Variants in PGAP1 observed in about 807,000 individuals in gnomAD.
PGAP1 encodes the protein post-GPI attachment to proteins inositol deacylase 1, also known as GPI inositol-deacylase.
Under a neutral mutation model 127.0 loss-of-function variants are expected in PGAP1, and 76 were observed. The observed-to-expected ratio is 0.60, with a 90% CI of 0.50 to 0.72. PGAP1 has a LOEUF of 0.72. Ranked by LOEUF, PGAP1 falls within the 30% of genes least tolerant of loss-of-function variation. PGAP1 has a pLI of 0.00. For missense variants in PGAP1, 982 were observed against 1,071.3 expected (o/e 0.92, Z 1.16); for synonymous variants, 362 against 366.5 (o/e 0.99, Z 0.14).
chr2:196,847,853 A>T, intron 21 of PGAP1, 94 bp downstream of exon 21: 2 of 962,658 alleles, frequency 2.1e-6, no homozygotes. Flanking sequence ...TCAACTGCCA[A>T]ATCTGTATGA....
Position 196,891,366 on chromosome 2 carries a change from A to C in PGAP1, c.1090-455T>G, listed in dbSNP as rs187560197. Among the ~76,000 whole-genome samples, 164 of 152,288 alleles carry C rather than the reference A, an allele frequency of 1.1e-3. No individual in the cohort carries two copies. The East Asian group carries it at 0.019, about 18-fold the overall frequency. On this transcript the variant is annotated intron_variant, in intron 9 of 26. Coordinates refer to ENST00000354764, the MANE Select transcript of PGAP1 (RefSeq NM_024989.4). ...CAGGAAATGTACAAAATAAGCTAAA[A>C]TATCTTGTCCTACTCAAGAGTGAGG...
rs1553601067 is a variant in PGAP1, at chr2:196,873,691, A to G, written c.1494T>C (p.Phe498=). The G allele has an allele frequency of 6.8e-6, 11 of 1,610,828 alleles. No homozygotes were observed. In the Middle Eastern group the frequency reaches 6.6e-4, roughly 97 times the overall value. The change falls in exon 15 of 27, where the codon TTT becomes TTC. Residue 498 remains phenylalanine (F), a synonymous_variant. Coordinates refer to ENST00000354764, the MANE Select transcript of PGAP1 (RefSeq NM_024989.4). ...GLYYNLELLN[F]GQIYQAFKIN... ...TGTAGTCAGGATTAATTACCTGTCCAAAGTTCAGAAGCTCTAGATTGTAGT... is the reference window on the plus strand; with the variant it reads ...TGTAGTCAGGATTAATTACCTGTCCGAAGTTCAGAAGCTCTAGATTGTAGT...
chr2:196,899,779 A>T (rs553944017), intron 5 of PGAP1, among the ~76,000 whole-genome samples: 1 of 152,312 alleles, frequency 6.6e-6, no homozygotes, highest in African/African-American at 2.4e-5. Flanking sequence ...CACGCCTGTA[A>T]TCCCAACACT....
In PGAP1 at chr2:196,865,050, C is replaced by G; in HGVS notation, c.1798G>C (p.Ala600Pro). The change falls in exon 20 of 27, where the codon GCT (alanine) becomes CCT (proline). Residue 600 changes from alanine to proline, a missense_variant. Coordinates refer to ENST00000354764, the MANE Select transcript of PGAP1 (RefSeq NM_024989.4). ...VVRFHGGALPAYVVSNILLAY... is the reference protein window; with the variant it reads ...VVRFHGGALPPYVVSNILLAY... ...AGAAGGATATTAGATACGACATAAG[C>G]AGGAAGAGCTCCACCATGAAATCTA... 1 of 1,568,818 alleles carries G rather than the reference C, an allele frequency of 6.4e-7. No individual in the cohort carries two copies. Among genetic ancestry groups the G allele is most frequent in the Non-Finnish European group, 8.6e-7 (1 of 1,164,576 alleles).
chr2:196,859,064 C>G (rs571876900), intron 20 of PGAP1, among the ~76,000 whole-genome samples: 264 of 152,234 alleles, frequency 1.7e-3, no homozygotes, highest in Non-Finnish European at 2.9e-3. Context: ...TGGTGACTCA[C>G]ACCTGTAATC....
chr2:196,852,660 A>G (rs921304752), intron 20 of PGAP1, among the ~76,000 whole-genome samples: 2 of 152,100 alleles, frequency 1.3e-5, no homozygotes, highest in African/African-American at 4.8e-5. Context: ...TTAGAAAAAA[A>G]TAGAAACAAG....
chr2:196,842,717 G>A lies in PGAP1; in HGVS notation c.2630+4C>T, dbSNP rs527290717. 3 of 1,482,396 alleles carry A rather than the reference G, an allele frequency of 2.0e-6. No individual in the cohort carries two copies. The highest frequency in any genetic ancestry group is 3.8e-5 in the Admixed American group (2 of 53,074). The allele number at this position is 1,482,396 out of a possible 1,614,324, so 91.8% of individuals were successfully genotyped here. On this transcript the variant is annotated splice_donor_region_variant and intron_variant, in intron 26 of 26. Coordinates refer to ENST00000354764, the MANE Select transcript of PGAP1 (RefSeq NM_024989.4). ...TAAGAAAAAGAAAGATTAAACTACTGTACCTTGATTTTATTGAAACAGTGT... is the reference window on the plus strand; with the variant it reads ...TAAGAAAAAGAAAGATTAAACTACTATACCTTGATTTTATTGAAACAGTGT...
Position 196,848,185 on chromosome 2 carries a change from A to C in PGAP1, c.1862-148T>G, listed in dbSNP as rs1700613417. 20 of 423,814 alleles carry C rather than the reference A, an allele frequency of 4.7e-5. No individual in the cohort carries two copies. In the East Asian group the frequency reaches 7.4e-4, roughly 16 times the overall value. The allele number at this position is 423,814 out of a possible 1,614,324, so 26.3% of individuals were successfully genotyped here. On this transcript the variant is annotated intron_variant, in intron 20 of 26. Transcript: ENST00000354764. ...CACAGAGACTCTTCTTGAAAGATTAAAAATAGCTGTAATTCAATGGTTCTT... is the reference window on the plus strand; with the variant it reads ...CACAGAGACTCTTCTTGAAAGATTACAAATAGCTGTAATTCAATGGTTCTT...
intron 14 of PGAP1, among the ~76,000 whole-genome samples, chr2:196,875,303 A>G (rs978676078): frequency 6.6e-6 from 1 of 152,252 alleles, no homozygotes; most frequent in Non-Finnish European, 1.5e-5. Context: ...TATTGTGTTT[A>G]TGTAGAAGGT....
chr2:196,896,801 C>T (rs1702290848), intron 7 of PGAP1, among the ~76,000 whole-genome samples: 1 of 139,744 alleles, frequency 7.2e-6, no homozygotes, highest in African/African-American at 2.8e-5. Context: ...TGCACTCCAG[C>T]CTGTGCAACA....
At chr2:196,889,203 A>G (rs1301210068) in intron 10 of PGAP1, among the ~76,000 whole-genome samples, 4 of 152,178 alleles carry the variant, frequency 2.6e-5, no homozygotes, top group East Asian at 1.9e-4. Flanking sequence ...TTTAGTATTA[A>G]GTGAGAAAAG....
rs1330234586 is a variant in PGAP1 at position 196,847,147 on chromosome 2, G to T, written c.2006C>A (p.Ala669Asp). The stretch of plus-strand genomic sequence containing the variant: ...CATACTCTGACAAGTTAAAATGACG[G>T]CATCTAATTCTGGTAACAATAATAC... ...WDVLLLPELD[A>D]VILTCQSMCF... The change falls in exon 22 of 27, where the codon GCC becomes GAC. Residue 669 changes from alanine (A) to aspartate (D), a missense_variant. Coordinates refer to ENST00000354764, the MANE Select transcript of PGAP1 (RefSeq NM_024989.4). The T allele has an allele frequency of 1.2e-6, 2 of 1,612,794 alleles. No homozygotes were observed. The highest frequency in any genetic ancestry group is 4.5e-5 in the East Asian group (2 of 44,822).
intron 20 of PGAP1, among the ~76,000 whole-genome samples, chr2:196,862,646 T>G: frequency 6.6e-6 from 1 of 152,294 alleles, no homozygotes; most frequent in Admixed American, 6.5e-5. Context: ...GCTTTAAAAT[T>G]TCTCTCTTTT....
chr2:196,880,262 G>T (rs981632419), intron 12 of PGAP1, 109 bp from the exon 13 acceptor site: 53 of 692,654 alleles, frequency 7.7e-5, no homozygotes, highest in Middle Eastern at 4.4e-4. Flanking sequence ...TAAAAAGCAG[G>T]CTTCCAATTT....
chr2:196,903,520 T>TACTGC (rs904737147), intron 4 of PGAP1, among the ~76,000 whole-genome samples: 1 of 132,770 alleles, frequency 7.5e-6, no homozygotes, highest in Non-Finnish European at 1.5e-5. Flanking sequence ...GAGATTGTGC[T>TACTGC]ACTGCACTCC....
At chr2:196,877,715 C>T (rs1254593593) in intron 13 of PGAP1, 1 of 152,078 alleles carries the variant, frequency 6.6e-6, no homozygotes, top group Non-Finnish European at 1.5e-5. Flanking sequence ...ACTACATCCC[C>T]CTTTTCCTTT....
chr2:196,856,925 A>G (rs548436149), intron 20 of PGAP1, among the ~76,000 whole-genome samples: 1 of 151,976 alleles, frequency 6.6e-6, no homozygotes, highest in Admixed American at 6.5e-5. Flanking sequence ...GATTTATTTG[A>G]GCTGTGTTTT....
At chr2:196,872,812 A>C in intron 17 of PGAP1, 148 bp downstream of exon 17, 1 of 565,436 alleles carries the variant, frequency 1.8e-6, no homozygotes, top group South Asian at 2.8e-5. Context: ...AGAATACTAT[A>C]TATTAAATTA....
intron 3 of PGAP1, among the ~76,000 whole-genome samples, chr2:196,915,091 G>A (rs541635878): frequency 6.6e-6 from 1 of 152,136 alleles, no homozygotes; most frequent in Non-Finnish European, 1.5e-5. Context: ...TGACACAGTT[G>A]ATAACTTACT....
Sources: gnomAD v4.1 joint callset for allele counts (sites outside exome capture counted in the v4.1 genomes callset) on GRCh38, gnomAD v4.1.1 for gene constraint, MANE v1.5 for transcripts, NCBI Gene and HGNC (gene_info 2026-07-23, HGNC 2026-07-21) for gene names.